Variants in N4BP2L2 observed in about 807,000 individuals in gnomAD.
The protein encoded by N4BP2L2 is NEDD4 binding protein 2 like 2.
Under a neutral mutation model 56.2 loss-of-function variants are expected in N4BP2L2, and 50 were observed. That is an observed-to-expected ratio of 0.89 (90% CI 0.71 to 1.13). The LOEUF (loss-of-function observed/expected upper bound fraction) is 1.13. Among genes scored for constraint, N4BP2L2 ranks in the 50% most tolerant of loss-of-function variants. The probability of loss-of-function intolerance (pLI) is 0.00; values close to 1 mark genes in which losing one functional copy is unlikely to be tolerated. For synonymous variants in N4BP2L2, 203 were observed against 223.6 expected (o/e 0.91, Z 0.82); for missense variants, 689 against 693.8 (o/e 0.99, Z 0.08).
At chr13:32,453,243 G>C (rs1189169208) in intron 6 of N4BP2L2, among the ~76,000 whole-genome samples, 2 of 152,182 alleles carry the variant, frequency 1.3e-5, no homozygotes, top group Non-Finnish European at 2.9e-5. Flanking sequence ...GTGACAGAGG[G>C]AGACTTTGTC....
At chr13:32,479,988 T>A (rs999098564) in intron 6 of N4BP2L2, among the ~76,000 whole-genome samples, 4 of 151,954 alleles carry the variant, frequency 2.6e-5, no homozygotes, top group African/African-American at 9.7e-5. Flanking sequence ...CCAAAACTGA[T>A]GAAATACACC....
intron 6 of N4BP2L2, among the ~76,000 whole-genome samples, chr13:32,492,748 G>C (rs891299273): frequency 6.6e-6 from 1 of 151,966 alleles, no homozygotes; most frequent in Non-Finnish European, 1.5e-5. Flanking sequence ...ATGAGCGTAA[G>C]AAATAAGTAT....
At chr13:32,501,398 A>G (rs760468526) in intron 6 of N4BP2L2, among the ~76,000 whole-genome samples, 3 of 151,726 alleles carry the variant, frequency 2.0e-5, no homozygotes, top group Non-Finnish European at 2.9e-5. Context: ...AAGACTTGCC[A>G]CATTAAGCTT....
chr13:32,467,494 T>C (rs2081439342), intron 6 of N4BP2L2, among the ~76,000 whole-genome samples: 1 of 150,170 alleles, frequency 6.7e-6, no homozygotes, highest in African/African-American at 2.4e-5. Flanking sequence ...GCCAAGCTGG[T>C]CTCAAACTCC....
At chr13:32,527,197 T>A (rs1293356077) in intron 3 of N4BP2L2, 4 of 504,126 alleles carry the variant, frequency 7.9e-6, no homozygotes, top group Non-Finnish European at 1.4e-5. Context: ...AAGCGTTTTA[T>A]CTAAATTCTC....
At chr13:32,471,043 G>A (rs2082193444) in intron 6 of N4BP2L2, among the ~76,000 whole-genome samples, 1 of 152,216 alleles carries the variant, frequency 6.6e-6, no homozygotes, top group African/African-American at 2.4e-5. Context: ...TGAACTCAGT[G>A]CAATGTGAAT....
chr13:32,519,605 G>A (rs1198843100), intron 5 of N4BP2L2, among the ~76,000 whole-genome samples: 1 of 151,952 alleles, frequency 6.6e-6, no homozygotes, highest in African/African-American at 2.4e-5. Flanking sequence ...AGCTGAGATC[G>A]CCCCACTGAA....
chr13:32,493,238 CTTTTT>C (rs1333157657), intron 6 of N4BP2L2, among the ~76,000 whole-genome samples: 2 of 151,694 alleles, frequency 1.3e-5, no homozygotes, highest in Non-Finnish European at 2.9e-5. Context: ...TTCTTTTTTC[CTTTTT>C]TAAGAGATAG....
chr13:32,517,399 T>C, exon 6 of N4BP2L2: 1 of 995,508 alleles, frequency 1.0e-6, no homozygotes, highest in Non-Finnish European at 1.2e-6. Flanking sequence ...TCAGTATTTC[T>C]TGCATATTTA....
chr13:32,437,368 G>A (rs1473034431), intron 8 of N4BP2L2, among the ~76,000 whole-genome samples: 5 of 152,340 alleles, frequency 3.3e-5, no homozygotes, highest in Non-Finnish European at 7.3e-5. Context: ...GAACAGTTAA[G>A]AAATACCTAC....
In N4BP2L2 at chr13:32,516,817, G is replaced by A. The variant is rs1170063239; in HGVS notation, c.*985C>T. On this transcript the variant is annotated 3_prime_UTR_variant, in exon 6 of 6. Coordinates refer to ENST00000267068, the Ensembl canonical transcript of N4BP2L2. ...TGTTTTTTTCCTCATGTTGCAAAGA[G>A]AAATGCTTAATTATCTAGGTTAGTC... 5 of 798,404 alleles carry A rather than the reference G, an allele frequency of 6.3e-6. No homozygotes were observed. In the African/African-American group the frequency reaches 9.4e-5, roughly 15 times the overall value. 49.5% of individuals were successfully genotyped at this position (798,404 alleles called of 1,614,324 possible).
intron 6 of N4BP2L2, among the ~76,000 whole-genome samples, chr13:32,446,799 T>C (rs368424553): frequency 6.6e-6 from 1 of 152,356 alleles, no homozygotes; most frequent in East Asian, 1.9e-4. Flanking sequence ...GTTACACTTA[T>C]TATGTATTGG....
chr13:32,463,918 CAA>C (rs58685358), intron 6 of N4BP2L2, among the ~76,000 whole-genome samples: 69 of 64,162 alleles, frequency 1.1e-3, no homozygotes, highest in African/African-American at 4.0e-3. Flanking sequence ...TGCCCATGAC[CAA>C]AAAAAAAAAA....
intron 3 of N4BP2L2, chr13:32,523,390 CAAAAAA>C (rs35751545): frequency 7.8e-6 from 1 of 128,472 alleles, no homozygotes; most frequent in African/African-American, 3.0e-5. Flanking sequence ...GACTCTGTCT[CAAAAAA>C]AAAAAAAAGG....
chr13:32,509,439 T>C (rs1378313361), downstream of N4BP2L2: 1 of 152,204 alleles, frequency 6.6e-6, no homozygotes, highest in Non-Finnish European at 1.5e-5. Context: ...TCTTCTTTGA[T>C]TACTGCTTCC....
At chr13:32,480,897 T>C (rs2084525487) in intron 6 of N4BP2L2, among the ~76,000 whole-genome samples, 2 of 151,742 alleles carry the variant, frequency 1.3e-5, no homozygotes, top group South Asian at 4.2e-4. Context: ...GGAAGGCAGA[T>C]CACTTGAGGT....
At chr13:32,497,319 G>T (rs1428819684) in intron 6 of N4BP2L2, among the ~76,000 whole-genome samples, 1 of 152,202 alleles carries the variant, frequency 6.6e-6, no homozygotes, top group Non-Finnish European at 1.5e-5. Context: ...TAACTGCATA[G>T]AAGGGATAAA....
chr13:32,445,675 T>C (rs1593434124), intron 6 of N4BP2L2, among the ~76,000 whole-genome samples: 2 of 152,232 alleles, frequency 1.3e-5, no homozygotes, highest in African/African-American at 2.4e-5. Flanking sequence ...TGACTGGTAA[T>C]GTGTTACCAC....
intron 6 of N4BP2L2, among the ~76,000 whole-genome samples, chr13:32,458,862 A>T (rs1016500062): frequency 6.6e-6 from 1 of 152,208 alleles, no homozygotes; most frequent in Non-Finnish European, 1.5e-5. Context: ...CACACGTAAC[A>T]TTCTCCAGGA....
Sources: allele counts gnomAD v4.1 joint callset (sites outside exome capture counted in the v4.1 genomes callset), GRCh38; gene constraint gnomAD v4.1.1; transcripts MANE v1.5; gene names NCBI Gene and HGNC (gene_info 2026-07-23, HGNC 2026-07-21).